The following RBSN variants were observed in gnomAD, a reference collection of about 807,000 sequenced individuals.
The protein encoded by RBSN is rabenosyn, RAB effector.
RBSN carries 34 observed loss-of-function variants against 60.5 expected under a neutral mutation model. That is an observed-to-expected ratio of 0.56 (90% CI 0.43 to 0.75). The LOEUF (loss-of-function observed/expected upper bound fraction) is 0.75. Ranked by LOEUF, RBSN falls within the 30% of genes least tolerant of loss-of-function variation. RBSN has a pLI of 0.00. For synonymous variants in RBSN, 322 were observed against 366.9 expected (o/e 0.88, Z 1.40); for missense variants, 845 against 986.8 (o/e 0.86, Z 1.92).
intron 12 of RBSN, 42 bp from the exon 13 acceptor site, chr3:15,075,752 G>C (rs764904117): frequency 6.5e-7 from 1 of 1,527,218 alleles, no homozygotes; most frequent in Middle Eastern, 1.7e-4. Flanking sequence ...AACCCTTTTA[G>C]AGAAAAAATG....
At chr3:15,090,221 A>T (rs180675467) in intron 5 of RBSN, among the ~76,000 whole-genome samples, 178 bp downstream of exon 5, 3 of 152,348 alleles carry the variant, frequency 2.0e-5, no homozygotes, top group East Asian at 3.9e-4. Context: ...TGCCTAACAC[A>T]AAGTGGATGC....
chr3:15,085,905 G>C lies in RBSN; in HGVS notation c.346C>G (p.His116Asp). 6.2e-7 allele frequency: 1 copy of C among 1,613,958 alleles called. No individual in the cohort carries two copies. The highest frequency in any genetic ancestry group is 8.5e-7 in the Non-Finnish European group (1 of 1,179,974). ...AGTTTATTGACTTCCACAACATAGTGGTCAATTCTAGCAGCTCGGTGTTTT... is the reference window on the plus strand; with the variant it reads ...AGTTTATTGACTTCCACAACATAGTCGTCAATTCTAGCAGCTCGGTGTTTT... ...FKKHRAARID[H>D]YVVEVNKLII... Residue 116 changes from histidine to aspartate, a missense_variant, in exon 6 of 14, where the codon CAC becomes GAC. Physicochemically the swap from His to Asp is moderately conservative, Grantham distance 81. Coordinates refer to ENST00000253699, the MANE Select transcript of RBSN (RefSeq NM_022340.4).
At chr3:15,081,283 C>T (rs59423224) in intron 9 of RBSN, 5,604 of 154,174 alleles carry the variant, frequency 0.036, 362 homozygotes, top group African/African-American at 0.13. Context: ...CCAAAGTGCC[C>T]GGCGAGATGT....
At chr3:15,093,681 C>T (rs1282012395) in intron 4 of RBSN, among the ~76,000 whole-genome samples, 1 of 151,982 alleles carries the variant, frequency 6.6e-6, no homozygotes, top group Non-Finnish European at 1.5e-5. Flanking sequence ...TGAGCCACCG[C>T]ACCCGGCTGA....
Position 15,077,992 on chromosome 3 carries a change from G to T in RBSN, c.998+83C>A. On this transcript the variant is annotated intron_variant, in intron 11 of 13. Coordinates refer to ENST00000253699, the MANE Select transcript of RBSN (RefSeq NM_022340.4). The surrounding 1 kb of genome is among the most constrained non-coding windows in gnomAD (Gnocchi z 4.4). ...GCCCCATCACCAGAAGTCTGAGTGAGTGCAGGTCTGCTTTCGCCATTTCAT... is the reference window on the plus strand; with the variant it reads ...GCCCCATCACCAGAAGTCTGAGTGATTGCAGGTCTGCTTTCGCCATTTCAT... The T allele has an allele frequency of 8.2e-7, 1 of 1,212,920 alleles. No homozygotes were observed. The highest frequency in any genetic ancestry group is 1.2e-6 in the Non-Finnish European group (1 of 822,418). 75.1% of individuals were successfully genotyped at this position (1,212,920 alleles called of 1,614,324 possible).
intron 5 of RBSN, among the ~76,000 whole-genome samples, chr3:15,086,523 AAG>A (rs2043348426): frequency 6.6e-6 from 1 of 152,212 alleles, no homozygotes; most frequent in Non-Finnish European, 1.5e-5. Flanking sequence ...CTGTAACTCT[AAG>A]AGTACTCAAC....
chr3:15,091,171 C>T (rs890235090), intron 4 of RBSN, among the ~76,000 whole-genome samples: 4 of 131,526 alleles, frequency 3.0e-5, no homozygotes, highest in African/African-American at 1.2e-4. Flanking sequence ...GATTGTGCCA[C>T]TGTACTCCAG....
At position 15,070,537 on chromosome 3, in the gene RBSN, G is replaced by A. The variant is rs184321817; in HGVS notation, c.*3245C>T. The stretch of plus-strand genomic sequence containing the variant: ...GGGCTGTTTGCCTTGGAAGACTAAA[G>A]AAAGGGTGAATATTCACATGAGGTA... On this transcript the variant is annotated 3_prime_UTR_variant, in exon 14 of 14. Coordinates refer to ENST00000253699, the MANE Select transcript of RBSN (RefSeq NM_022340.4). 2 of 152,666 alleles carry A rather than the reference G, an allele frequency of 1.3e-5. No homozygotes were observed. Among genetic ancestry groups the A allele is most frequent in the East Asian group, 3.9e-4 (2 of 5,182 alleles). 9.5% of individuals were successfully genotyped at this position (152,666 alleles called of 1,614,324 possible). A position where few individuals can be genotyped will look rare whatever the true frequency, so the allele number is the denominator to read the frequency against.
chr3:15,091,529 G>C, intron 4 of RBSN: 1 of 1,275,074 alleles, frequency 7.8e-7, no homozygotes, highest in Non-Finnish European at 1.0e-6. Context: ...GATTGGGTAA[G>C]AAGAGAAAAT....
intron 4 of RBSN, among the ~76,000 whole-genome samples, chr3:15,094,613 T>C (rs184339317): frequency 1.4e-4 from 22 of 152,340 alleles, no homozygotes; most frequent in Non-Finnish European, 2.5e-4. Flanking sequence ...AGCATTTTTT[T>C]CCCTCCTAAT....
chr3:15,074,276 C>G lies in RBSN; in HGVS notation c.1861G>C (p.Glu621Gln). The G allele has an allele frequency of 6.2e-7, 1 of 1,613,512 alleles. No homozygotes were observed. The highest frequency in any genetic ancestry group is 8.5e-7 in the Non-Finnish European group (1 of 1,179,672). The change falls in exon 14 of 14, where the codon GAG becomes CAG. Residue 621 changes from glutamate (E) to glutamine (Q), a missense_variant. Glu to Gln is a conservative substitution (Grantham distance 29). Transcript: ENST00000253699. This position sits in a 1 kb window ranked among gnomAD's most constrained non-coding sequence, Gnocchi z 6.4. ...LPQSSMPQQHEGPSLNPFDEE... is the reference protein window; with the variant it reads ...LPQSSMPQQHQGPSLNPFDEE... ...TCAAAGGGGTTTAAGGAGGGCCCCT[C>G]ATGTTGCTGTGGCATGCTGCTCTGG... is the stretch of plus-strand genomic sequence containing the variant.
chr3:15,075,645 C>T lies in RBSN; in HGVS notation c.1167G>A (p.Arg389=). 1 of 1,614,206 alleles carries T rather than the reference C, an allele frequency of 6.2e-7. No homozygotes were observed. The highest frequency in any genetic ancestry group is 2.2e-5 in the East Asian group (1 of 44,878). Residue 389 remains arginine, a synonymous_variant, in exon 13 of 14, where the codon AGG becomes AGA. Coordinates refer to ENST00000253699, the MANE Select transcript of RBSN (RefSeq NM_022340.4). ...CCCTCTTCCTCTCCATTTCCTCCTT[C>T]CTTTTCTTTTTCAGTTCCTCAAACT... is the stretch of plus-strand genomic sequence containing the variant. The part of the protein sequence containing the change: ...KEQFEELKKK[R]KEEMERKRAV...
rs2043279213 is a variant in RBSN at position 15,084,164 on chromosome 3, G to A, written c.598+571C>T. Among the ~76,000 whole-genome samples, 1 of 152,010 alleles carries A rather than the reference G, an allele frequency of 6.6e-6. No homozygotes were observed. The highest frequency in any genetic ancestry group is 2.1e-4 in the South Asian group (1 of 4,824). Reference sequence around the variant, plus strand: ...ATGGGAGTCTCGCTCGGTCACCCAGGCTGAAGTGCAGTGGCTCAATCTCAG... The same window carrying A: ...ATGGGAGTCTCGCTCGGTCACCCAGACTGAAGTGCAGTGGCTCAATCTCAG... On this transcript the variant is annotated intron_variant, in intron 8 of 13. Coordinates refer to ENST00000253699, the MANE Select transcript of RBSN (RefSeq NM_022340.4). The surrounding 1 kb of genome is among the most constrained non-coding windows in gnomAD (Gnocchi z 4.2).
intron 4 of RBSN, among the ~76,000 whole-genome samples, chr3:15,094,018 A>T (rs1041840828): frequency 6.6e-6 from 1 of 152,280 alleles, no homozygotes. Flanking sequence ...GATCCTTTCA[A>T]GTTTCTTTCA....
intron 10 of RBSN, among the ~76,000 whole-genome samples, chr3:15,078,776 ATACATATATATATATATATATATAT>A (rs1307800762): frequency 1.1e-4 from 6 of 56,264 alleles, no homozygotes; most frequent in African/African-American, 3.6e-4. Flanking sequence ...AAAAAAAAAA[ATACATATATATATATATATATATAT>A]ATATATATAT....
intron 4 of RBSN, among the ~76,000 whole-genome samples, chr3:15,092,600 T>C (rs1338573011): frequency 1.3e-5 from 2 of 152,110 alleles, no homozygotes; most frequent in African/African-American, 2.4e-5. Context: ...TTAGTAGAGA[T>C]GGGGTTTCAC....
chr3:15,082,264 C>A lies in RBSN; in HGVS notation c.840+103G>T. 6.8e-7 allele frequency: 1 copy of A among 1,469,650 alleles called. No homozygotes were observed. The highest frequency in any genetic ancestry group is 9.3e-7 in the Non-Finnish European group (1 of 1,078,270). 91.0% of individuals were successfully genotyped at this position (1,469,650 alleles called of 1,614,324 possible). ...TAACAGGAACTACAAATAATTCAAACGAACAACTTCCCAAAGCATTCTCCA... is the reference window on the plus strand; with the variant it reads ...TAACAGGAACTACAAATAATTCAAAAGAACAACTTCCCAAAGCATTCTCCA... On this transcript the variant is annotated intron_variant, in intron 9 of 13. Transcript: ENST00000253699. The surrounding 1 kb of genome is among the most constrained non-coding windows in gnomAD (Gnocchi z 4.2).
Position 15,096,027 on chromosome 3 carries a change from G to A in RBSN, c.94C>T (p.His32Tyr). 6.2e-7 allele frequency: 1 copy of A among 1,614,170 alleles called. No individual in the cohort carries two copies. Among genetic ancestry groups the A allele is most frequent in the Non-Finnish European group, 8.5e-7 (1 of 1,180,016 alleles). The stretch of plus-strand genomic sequence containing the variant: ...TCCCCTGAGTGTTCTTCCTCGTAAT[G>A]TGAGTGAAGCTGATAGAAAGACTGC... ...DLQSFYQLHS[H>Y]YEEEHSGEDR... The change falls in exon 4 of 14, where the codon CAT becomes TAT. Residue 32 changes from histidine to tyrosine, a missense_variant. Physicochemically the swap from His to Tyr is moderately conservative, Grantham distance 83. Transcript: ENST00000253699.
Position 15,085,908 on chromosome 3 carries a change from C to A in RBSN, c.343G>T (p.Asp115Tyr). The A allele has an allele frequency of 6.2e-7, 1 of 1,613,998 alleles. No individual in the cohort carries two copies. The highest frequency in any genetic ancestry group is 1.1e-5 in the South Asian group (1 of 91,048). ...TTATTGACTTCCACAACATAGTGGT[C>A]AATTCTAGCAGCTCGGTGTTTTTTG... ...DFKKHRAARI[D>Y]HYVVEVNKLI... Residue 115 changes from aspartate (D) to tyrosine (Y), a missense_variant, in exon 6 of 14, where the codon GAC (aspartate) becomes TAC (tyrosine). By Grantham distance (160) the Asp-to-Tyr change is radical. Coordinates refer to ENST00000253699, the MANE Select transcript of RBSN (RefSeq NM_022340.4).
Sources: allele counts gnomAD v4.1 joint callset (sites outside exome capture counted in the v4.1 genomes callset), GRCh38; gene constraint gnomAD v4.1.1; non-coding constraint Gnocchi (gnomAD v3.1); transcripts MANE v1.5; gene names NCBI Gene and HGNC (gene_info 2026-07-23, HGNC 2026-07-21).